Variants in ARHGAP32 observed in about 807,000 individuals in gnomAD.
The protein encoded by ARHGAP32 is rho GTPase-activating protein 32.
Under a neutral mutation model 186.5 loss-of-function variants are expected in ARHGAP32, and 51 were observed. The observed-to-expected ratio is 0.27, with a 90% CI of 0.22 to 0.35. The LOEUF (loss-of-function observed/expected upper bound fraction) is 0.35, where lower values mean the gene tolerates loss of function less well. Ranked by LOEUF, ARHGAP32 falls within the 10% of genes least tolerant of loss-of-function variation. The pLI is 1.00. For synonymous variants in ARHGAP32, 950 were observed against 964.3 expected, an observed-to-expected ratio of 0.99 and a Z score of 0.27; for missense variants, 2,186 against 2,623.5, an observed-to-expected ratio of 0.83 and a Z score of 3.64.
At chr11:129,076,081 T>G (rs1368523740) in intron 6 of ARHGAP32, among the ~76,000 whole-genome samples, 1 of 152,194 alleles carries the variant, frequency 6.6e-6, no homozygotes, top group Admixed American at 6.5e-5. Flanking sequence ...TATAATGTAC[T>G]AGCACGCTAA....
In ARHGAP32 at chr11:129,123,329, TA is replaced by T. The variant is rs145776868; in HGVS notation, c.444+116del. ...TTACCTCAACCAATAAGACATCAATTAAAAAAAAAACTACTTCAAAGTGTCA... is the reference window on the plus strand; with the variant it reads ...TTACCTCAACCAATAAGACATCAATTAAAAAAAAACTACTTCAAAGTGTCA... On this transcript the variant is annotated intron_variant, in intron 5 of 22. Coordinates refer to ENST00000682385, the MANE Select transcript of ARHGAP32 (RefSeq NM_001378024.1). This position sits in a 1 kb window ranked among gnomAD's most constrained non-coding sequence, Gnocchi z 4.6. 2.0e-3 allele frequency: 1,452 copies of T among 730,186 alleles called. No individual in the cohort carries two copies. The highest frequency in any genetic ancestry group is 2.4e-3 in the Non-Finnish European group (1,113 of 465,664). 45.2% of individuals were successfully genotyped at this position (730,186 alleles called of 1,614,324 possible).
chr11:129,148,358 T>G (rs1463589541), intron 2 of ARHGAP32, among the ~76,000 whole-genome samples: 1 of 152,148 alleles, frequency 6.6e-6, no homozygotes, highest in Non-Finnish European at 1.5e-5. Flanking sequence ...AAATCCAGAT[T>G]ACAGGAAAAT....
chr11:128,980,983 T>C (rs1050485176), intron 17 of ARHGAP32, among the ~76,000 whole-genome samples: 6 of 152,092 alleles, frequency 3.9e-5, no homozygotes, highest in Admixed American at 6.5e-5. Context: ...TTAAAAGATA[T>C]GAGAAAAGCT....
chr11:129,256,960 T>C (rs1433173476), intron 1 of ARHGAP32, among the ~76,000 whole-genome samples: 5 of 152,260 alleles, frequency 3.3e-5, no homozygotes, highest in Admixed American at 2.0e-4. Flanking sequence ...GTCTAATTTC[T>C]AGGCAGGAGG....
intron 19 of ARHGAP32, among the ~76,000 whole-genome samples, chr11:128,976,895 CAG>C (rs1329933619): frequency 5.3e-5 from 8 of 152,176 alleles, no homozygotes; most frequent in African/African-American, 9.7e-5. Context: ...TGAATTTGAG[CAG>C]AGAGATTAAC....
At chr11:129,258,934 TAA>T (rs1459976454) in intron 1 of ARHGAP32, among the ~76,000 whole-genome samples, 1 of 152,166 alleles carries the variant, frequency 6.6e-6, no homozygotes, top group Non-Finnish European at 1.5e-5. Context: ...AATGAAATCA[TAA>T]ACTCAATCCC....
intron 5 of ARHGAP32, among the ~76,000 whole-genome samples, chr11:129,096,526 C>CG (rs1038435127): frequency 6.6e-6 from 1 of 151,986 alleles, no homozygotes; most frequent in African/African-American, 2.4e-5. Context: ...TATACCCCCC[C>CG]GGCCCCGCCC....
At chr11:129,089,495 A>G (rs569071866) in intron 6 of ARHGAP32, among the ~76,000 whole-genome samples, 13 of 152,304 alleles carry the variant, frequency 8.5e-5, no homozygotes, top group African/African-American at 2.9e-4. Context: ...TGGGATGATC[A>G]AAGTACAGGA....
At chr11:129,169,264 TA>T (rs1315174162) in intron 1 of ARHGAP32, among the ~76,000 whole-genome samples, 1 of 151,634 alleles carries the variant, frequency 6.6e-6, no homozygotes, top group Non-Finnish European at 1.5e-5. Context: ...GTCTGACCAA[TA>T]AAAAAATGGA....
At chr11:129,037,553 C>G (rs1939400029) in intron 11 of ARHGAP32, among the ~76,000 whole-genome samples, 1 of 151,832 alleles carries the variant, frequency 6.6e-6, no homozygotes, top group African/African-American at 2.4e-5. Flanking sequence ...ATCCCTTGTT[C>G]AGGGATTAGA....
At chr11:129,095,622 C>T (rs894056940) in intron 5 of ARHGAP32, among the ~76,000 whole-genome samples, 6 of 152,212 alleles carry the variant, frequency 3.9e-5, no homozygotes, top group Non-Finnish European at 1.5e-5. Context: ...GAAGATACCC[C>T]TCTGAAGGCA....
At chr11:129,234,947 T>C (rs540410528) in intron 1 of ARHGAP32, among the ~76,000 whole-genome samples, 6 of 152,142 alleles carry the variant, frequency 3.9e-5, no homozygotes, top group Non-Finnish European at 8.8e-5. Context: ...CCCCAAAAAA[T>C]ATATATCCAC....
intron 1 of ARHGAP32, among the ~76,000 whole-genome samples, chr11:129,248,651 C>T (rs1428800154): frequency 6.6e-6 from 1 of 152,148 alleles, no homozygotes; most frequent in Non-Finnish European, 1.5e-5. Flanking sequence ...CGTCATAACA[C>T]AGTGCCTGGA....
intron 6 of ARHGAP32, among the ~76,000 whole-genome samples, chr11:129,082,144 G>A (rs1007621501): frequency 3.3e-5 from 5 of 151,936 alleles, no homozygotes; most frequent in Admixed American, 1.3e-4. Context: ...CCATGCTCAT[G>A]GGTAGAATCA....
At chr11:129,270,061 C>A (rs1253978140) in intron 1 of ARHGAP32, among the ~76,000 whole-genome samples, 1 of 151,508 alleles carries the variant, frequency 6.6e-6, no homozygotes, top group African/African-American at 2.4e-5. Flanking sequence ...AAAAACCACA[C>A]CCAGATGCTT....
chr11:129,033,092 C>A (rs1197897310), intron 11 of ARHGAP32, among the ~76,000 whole-genome samples: 1 of 152,228 alleles, frequency 6.6e-6, no homozygotes, highest in Admixed American at 6.5e-5. Context: ...GAGATTCAAT[C>A]ATGTTGTTGC....
chr11:129,001,247 C>G (rs151247221), intron 11 of ARHGAP32, among the ~76,000 whole-genome samples: 1 of 152,306 alleles, frequency 6.6e-6, no homozygotes, highest in Non-Finnish European at 1.5e-5. Flanking sequence ...TTCCCACCAA[C>G]AGTGTAAAAG....
At chr11:129,129,025 C>T (rs61911007) in intron 2 of ARHGAP32, among the ~76,000 whole-genome samples, 1 of 151,684 alleles carries the variant, frequency 6.6e-6, no homozygotes, top group African/African-American at 2.4e-5. Flanking sequence ...AAGTGAAGAG[C>T]GTCTCTGCCT....
intron 12 of ARHGAP32, among the ~76,000 whole-genome samples, chr11:128,997,127 C>T (rs1358523823): frequency 6.6e-6 from 1 of 152,202 alleles, no homozygotes; most frequent in African/African-American, 2.4e-5. Flanking sequence ...TATAGTAAAA[C>T]TAGATGTCTC....
Sources: allele counts gnomAD v4.1 joint callset (sites outside exome capture counted in the v4.1 genomes callset), GRCh38; gene constraint gnomAD v4.1.1; non-coding constraint Gnocchi (gnomAD v3.1); transcripts MANE v1.5; gene names NCBI Gene and HGNC (gene_info 2026-07-23, HGNC 2026-07-21).